The following VWF variants were observed in gnomAD, a reference collection of about 807,000 sequenced individuals.
VWF encodes von Willebrand factor, also known as Factor VIII related antigen.
Under a neutral mutation model 308.6 loss-of-function variants are expected in VWF, and 176 were observed. That is an observed-to-expected ratio of 0.57 (90% CI 0.50 to 0.65). VWF has a LOEUF of 0.65. Ranked by LOEUF, VWF falls within the 30% of genes least tolerant of loss-of-function variation. The probability of loss-of-function intolerance (pLI) is 0.00; values close to 1 mark genes in which losing one functional copy is unlikely to be tolerated. For synonymous variants in VWF, 1,385 were observed against 1,443.4 expected, an observed-to-expected ratio of 0.96 and a Z score of 0.92; for missense variants, 3,146 against 3,648.2, an observed-to-expected ratio of 0.86 and a Z score of 3.55.
Position 5,968,142 on chromosome 12 carries a change from A to G in VWF, c.7755T>C (p.Asn2585=), listed in dbSNP as rs748022353. The change falls in exon 46 of 52, where the codon AAT becomes AAC. Residue 2585 remains asparagine (N), a synonymous_variant. Coordinates refer to ENST00000261405, the MANE Select transcript of VWF (RefSeq NM_000552.5). The part of the protein sequence containing the change: ...RCERMEACML[N]GTVIGPGKTV... ...AGCGGCTCACCCCAATGACAGTGCCATTGAGCATGCAGGCCTCCATGCGCT... is the reference window on the plus strand; with the variant it reads ...AGCGGCTCACCCCAATGACAGTGCCGTTGAGCATGCAGGCCTCCATGCGCT... The G allele has an allele frequency of 6.2e-7, 1 of 1,613,966 alleles. No individual in the cohort carries two copies. The highest frequency in any genetic ancestry group is 2.2e-5 in the East Asian group (1 of 44,888).
intron 5 of VWF, among the ~76,000 whole-genome samples, chr12:6,099,317 T>G: frequency 1.2e-5 from 1 of 80,258 alleles, no homozygotes; most frequent in East Asian, 3.9e-4. Context: ...AGACTCTATC[T>G]CAAAAAAAAA....
At chr12:5,977,797 G>A (rs149721758) in intron 42 of VWF, among the ~76,000 whole-genome samples, 279 of 151,466 alleles carry the variant, frequency 1.8e-3, no homozygotes, top group African/African-American at 6.6e-3. Context: ...CTGAGCCTAG[G>A]GGGTGGAGGC....
At chr12:6,090,669 A>G (rs959933127) in intron 6 of VWF, among the ~76,000 whole-genome samples, 7 of 151,560 alleles carry the variant, frequency 4.6e-5, no homozygotes, top group African/African-American at 7.3e-5. Flanking sequence ...CATGGCTCTT[A>G]ACAGTTGAGC....
intron 6 of VWF, among the ~76,000 whole-genome samples, chr12:6,092,394 G>A (rs1225782883): frequency 6.6e-6 from 1 of 151,744 alleles, no homozygotes; most frequent in Admixed American, 6.6e-5. Flanking sequence ...CCAGGCTGGA[G>A]TGTAGTGATG....
At chr12:6,017,327 T>C (rs1944074516) in intron 28 of VWF, among the ~76,000 whole-genome samples, 1 of 152,254 alleles carries the variant, frequency 6.6e-6, no homozygotes, top group Non-Finnish European at 1.5e-5. Flanking sequence ...CTTCCAGCTA[T>C]AAATGCCTAG....
At chr12:5,982,930 G>A (rs1014699055) in intron 41 of VWF, among the ~76,000 whole-genome samples, 1 of 152,164 alleles carries the variant, frequency 6.6e-6, no homozygotes, top group African/African-American at 2.4e-5. Context: ...AGGTGCCTGT[G>A]GCTGTGCCCA....
chr12:5,950,557 G>A (rs1310589962), intron 50 of VWF, among the ~76,000 whole-genome samples: 2 of 151,990 alleles, frequency 1.3e-5, no homozygotes, highest in Non-Finnish European at 2.9e-5. Context: ...GTCCTTAGAT[G>A]GCTCGAAATC....
At chr12:6,013,958 G>C (rs1944025875) in intron 31 of VWF, among the ~76,000 whole-genome samples, 1 of 152,046 alleles carries the variant, frequency 6.6e-6, no homozygotes, top group Non-Finnish European at 1.5e-5. Context: ...GTGGATAAAT[G>C]CTTAGGAAAA....
At chr12:6,033,870 C>T (rs1162496302) in intron 20 of VWF, among the ~76,000 whole-genome samples, 2 of 152,230 alleles carry the variant, frequency 1.3e-5, no homozygotes, top group East Asian at 3.8e-4. Context: ...AGCTCCCGCC[C>T]CTCCTCCTCC....
chr12:6,031,589 A>C lies in VWF; in HGVS notation c.2686-11T>G, dbSNP rs777999227. The C allele has an allele frequency of 1.7e-5, 27 of 1,613,836 alleles. No individual in the cohort carries two copies. In the Admixed American group the frequency reaches 4.5e-4, roughly 27 times the overall value. On this transcript the variant is annotated splice_polypyrimidine_tract_variant and intron_variant, in intron 20 of 51. Transcript: ENST00000261405. ...ACTGCCGCAGTAATCCTGGGGAAAG[A>C]GGAGTGCCAGGAGAAGACCATTATC... is the stretch of plus-strand genomic sequence containing the variant.
rs369814216 is a variant in VWF at position 6,117,770 on chromosome 12, G to A, written c.220+3404C>T. ...GGGGAGGTTGCAGTGAGCCGAGATC[G>A]CACCACTGCAATCCAGCCTTCCAGC... On this transcript the variant is annotated intron_variant, in intron 3 of 51. Coordinates refer to ENST00000261405, the MANE Select transcript of VWF (RefSeq NM_000552.5). 1.1e-4 allele frequency among the ~76,000 whole-genome samples: 16 copies of A among 152,272 alleles called. No homozygotes were observed. In the East Asian group the frequency reaches 1.7e-3, roughly 17 times the overall value.
rs1449384176 is a variant in VWF at position 5,991,715 on chromosome 12, A to G, written c.6798+104T>C. On this transcript the variant is annotated intron_variant, in intron 38 of 51. Coordinates refer to ENST00000261405, the MANE Select transcript of VWF (RefSeq NM_000552.5). ...TCCCTAATGATCCCCGTAAGAGTCA[A>G]CCCTGCTGCCACAGTTGGAAGAGGC... is the stretch of plus-strand genomic sequence containing the variant. 3 of 1,280,492 alleles carry G rather than the reference A, an allele frequency of 2.3e-6. No individual in the cohort carries two copies. In the African/African-American group the frequency reaches 4.4e-5, roughly 19 times the overall value. The allele number at this position is 1,280,492 out of a possible 1,614,324, so 79.3% of individuals were successfully genotyped here.
intron 9 of VWF, among the ~76,000 whole-genome samples, chr12:6,071,546 C>T (rs925858998): frequency 2.0e-4 from 30 of 152,078 alleles, no homozygotes; most frequent in Non-Finnish European, 8.8e-5. Flanking sequence ...AGATATTACC[C>T]AGGGGAAGAA....
At position 5,961,787 on chromosome 12, in the gene VWF, CA is replaced by C. The variant is rs1015531569; in HGVS notation, c.7887+5698del. ...GTGTAACAAAATTTGTGCATCTACA[CA>C]AAAAAAATCATTGCAGAGAAAAATT... On this transcript the variant is annotated intron_variant, in intron 47 of 51. Coordinates refer to ENST00000261405, the MANE Select transcript of VWF (RefSeq NM_000552.5). 5.9e-5 allele frequency among the ~76,000 whole-genome samples: 9 copies of C among 151,692 alleles called. 1 individual carries two copies. Among genetic ancestry groups the C allele is most frequent in the Admixed American group, 5.9e-4 (9 of 15,260 alleles).
rs1944636046 is a variant in VWF, at chr12:6,060,054, C to A, written c.1534-2010G>T. 6.6e-6 allele frequency among the ~76,000 whole-genome samples: 1 copy of A among 152,080 alleles called. No homozygotes were observed. The highest frequency in any genetic ancestry group is 2.4e-5 in the African/African-American group (1 of 41,406). On this transcript the variant is annotated intron_variant, in intron 13 of 51. Coordinates refer to ENST00000261405, the MANE Select transcript of VWF (RefSeq NM_000552.5). This position sits in a 1 kb window ranked among gnomAD's most constrained non-coding sequence, Gnocchi z 5.1. ...ATGTCCCACTCTAAAACCAGGTCTT[C>A]TCCCATCCCCTTGGCTTGTCTCGGA...
chr12:5,988,859 G>C (rs538607595), intron 38 of VWF, among the ~76,000 whole-genome samples: 6 of 152,070 alleles, frequency 3.9e-5, no homozygotes, highest in African/African-American at 1.4e-4. Context: ...CGGTATGAGA[G>C]CCAGCAGGAG....
chr12:6,011,269 G>A (rs138367829), intron 34 of VWF, among the ~76,000 whole-genome samples: 14 of 152,314 alleles, frequency 9.2e-5, no homozygotes, highest in African/African-American at 3.4e-4. Context: ...CTCTCTCACT[G>A]CTATACTTCC....
intron 5 of VWF, among the ~76,000 whole-genome samples, chr12:6,109,987 C>T (rs1388596432): frequency 6.6e-6 from 1 of 152,230 alleles, no homozygotes; most frequent in African/African-American, 2.4e-5. Flanking sequence ...TTCTATTGCT[C>T]GTGAACACAC....
intron 34 of VWF, among the ~76,000 whole-genome samples, chr12:6,007,564 C>A (rs1232326411): frequency 1.3e-5 from 2 of 151,982 alleles, no homozygotes; most frequent in African/African-American, 4.8e-5. Flanking sequence ...TTATGGGAAA[C>A]AGCAAAAGCA....
Sources: gnomAD v4.1 joint callset for allele counts (sites outside exome capture counted in the v4.1 genomes callset) on GRCh38, gnomAD v4.1.1 for gene constraint, Gnocchi (gnomAD v3.1) non-coding constraint, MANE v1.5 for transcripts, NCBI Gene and HGNC (gene_info 2026-07-23, HGNC 2026-07-21) for gene names.